Variants in FBN1 observed in about 807,000 individuals in gnomAD.
FBN1 encodes the protein fibrillin 1, also known as fibrillin-1.
FBN1 carries 29 observed loss-of-function variants against 365.1 expected under a neutral mutation model. That is an observed-to-expected ratio of 0.08 (90% CI 0.06 to 0.11). The LOEUF (loss-of-function observed/expected upper bound fraction) is 0.11, where lower values mean the gene tolerates loss of function less well. Among genes scored for constraint, FBN1 ranks in the 10% least tolerant of loss-of-function variants. The probability of loss-of-function intolerance (pLI) is 1.00; values close to 1 mark genes in which losing one functional copy is unlikely to be tolerated. For synonymous variants in FBN1, 1,210 were observed against 1,270.5 expected, an observed-to-expected ratio of 0.95 and a Z score of 1.01; for missense variants, 2,476 against 3,703.2, an observed-to-expected ratio of 0.67 and a Z score of 8.60.
chr15:48,520,549 G>T, intron 10 of FBN1, 110 bp downstream of exon 10: 2 of 1,273,156 alleles, frequency 1.6e-6, no homozygotes, highest in Non-Finnish European at 1.1e-6. Context: ...TATATTTCCT[G>T]GAGACTACTC....
chr15:48,637,570 C>T (rs1408558709), intron 2 of FBN1, among the ~76,000 whole-genome samples: 1 of 152,220 alleles, frequency 6.6e-6, no homozygotes, highest in African/African-American at 2.4e-5. Context: ...ATATCCCTTT[C>T]CCTTGATGTA....
chr15:48,425,517 CTG>C (rs758247112), intron 59 of FBN1, 26 bp from the exon 60 acceptor site: 92 of 1,613,724 alleles, frequency 5.7e-5, no homozygotes, highest in Non-Finnish European at 7.5e-5. Context: ...TACAGCGTGA[CTG>C]TGCATCTAAA....
chr15:48,468,098 G>T lies in FBN1; in HGVS notation c.4587C>A (p.Thr1529=). The T allele has an allele frequency of 6.2e-7, 1 of 1,614,042 alleles. No homozygotes were observed. The highest frequency in any genetic ancestry group is 8.5e-7 in the Non-Finnish European group (1 of 1,179,994). The change falls in exon 38 of 66, where the codon ACC becomes ACA. Residue 1529 remains threonine, a synonymous_variant. Transcript: ENST00000316623. ...LNPTRVGCVD[T]RSGNCYLDIR... is the part of the protein sequence containing the mutation. ...TATCCAAATAGCAATTTCCAGAGCG[G>T]GTATCTATTTACCATATACAAACAC...
chr15:48,552,781 A>G (rs1238267438), intron 6 of FBN1, among the ~76,000 whole-genome samples: 1 of 152,208 alleles, frequency 6.6e-6, no homozygotes, highest in East Asian at 1.9e-4. Flanking sequence ...AGCATAAGAT[A>G]CTACATTTCT....
chr15:48,509,599 T>C (rs942253833), intron 14 of FBN1, among the ~76,000 whole-genome samples: 1 of 146,410 alleles, frequency 6.8e-6, no homozygotes, highest in African/African-American at 2.5e-5. Flanking sequence ...ATATAGAAAA[T>C]ATACATAACA....
intron 47 of FBN1, among the ~76,000 whole-genome samples, chr15:48,446,337 A>G (rs2043158611): frequency 6.6e-6 from 1 of 152,162 alleles, no homozygotes; most frequent in South Asian, 2.1e-4. Context: ...AACTTTTATT[A>G]CAGTATACTG....
At chr15:48,446,531 T>C (rs2043160488) in intron 47 of FBN1, among the ~76,000 whole-genome samples, 175 bp downstream of exon 47, 1 of 152,216 alleles carries the variant, frequency 6.6e-6, no homozygotes, top group Admixed American at 6.5e-5. Context: ...AAGGGGAGAC[T>C]TCTGTAATAT....
chr15:48,494,404 T>C (rs2043586602), intron 22 of FBN1, 150 bp from the exon 23 acceptor site: 1 of 684,058 alleles, frequency 1.5e-6, no homozygotes, highest in Non-Finnish European at 2.6e-6. Flanking sequence ...ACAAAATGTT[T>C]CTGCGATTGC....
Position 48,453,285 on chromosome 15 carries a change from T to TA in FBN1, c.5423-602dup, listed in dbSNP as rs1406699078. Reference sequence around the variant, plus strand: ...AACAAACAAACAAACAAACAAAAAATAAAACAAACAAAAAAAAAACACACA... The same window carrying TA: ...AACAAACAAACAAACAAACAAAAAATAAAAACAAACAAAAAAAAAACACACA... On this transcript the variant is annotated intron_variant, in intron 44 of 65. Coordinates refer to ENST00000316623, the MANE Select transcript of FBN1 (RefSeq NM_000138.5). Among the ~76,000 whole-genome samples the TA allele has an allele frequency of 2.3e-3, 38 of 16,654 alleles. 1 individual carries two copies. Among genetic ancestry groups the TA allele is most frequent in the Admixed American group, 1.4e-3 (2 of 1,402 alleles). 10.9% of individuals were successfully genotyped at this position (16,654 alleles called of 152,430 possible). A position where few individuals can be genotyped will look rare whatever the true frequency, so the allele number is the denominator to read the frequency against.
chr15:48,518,440 C>T (rs926815652), intron 10 of FBN1, among the ~76,000 whole-genome samples: 1 of 152,186 alleles, frequency 6.6e-6, no homozygotes, highest in Non-Finnish European at 1.5e-5. Context: ...ACTTTGCTTC[C>T]AAGCATTTGT....
chr15:48,551,037 A>C (rs1597600533), intron 6 of FBN1, among the ~76,000 whole-genome samples: 1 of 152,186 alleles, frequency 6.6e-6, no homozygotes, highest in Non-Finnish European at 1.5e-5. Context: ...TAAATCCTTA[A>C]TCTTTTGAAC....
chr15:48,433,108 G>A, intron 54 of FBN1, 120 bp from the exon 55 acceptor site: 1 of 1,046,548 alleles, frequency 9.6e-7, no homozygotes, highest in South Asian at 1.3e-5. Flanking sequence ...TCATAAACAT[G>A]GATGGATCAA....
At chr15:48,473,144 C>T (rs772025642) in intron 34 of FBN1, among the ~76,000 whole-genome samples, 1 of 152,204 alleles carries the variant, frequency 6.6e-6, no homozygotes, top group Non-Finnish European at 1.5e-5. Context: ...ATAAACCACA[C>T]ATGCCTAATA....
intron 27 of FBN1, 86 bp downstream of exon 27, chr15:48,488,027 G>T: frequency 6.4e-7 from 1 of 1,570,586 alleles, no homozygotes; most frequent in Non-Finnish European, 8.8e-7. Context: ...TGGGGCAGCA[G>T]GAAGAACCTG....
In FBN1 at chr15:48,425,729, A is replaced by C. The variant is rs375569743; in HGVS notation, c.7330+10T>G. The C allele has an allele frequency of 1.5e-5, 24 of 1,612,914 alleles. No homozygotes were observed. Among genetic ancestry groups the C allele is most frequent in the Non-Finnish European group, 2.0e-5 (23 of 1,179,218 alleles). On this transcript the variant is annotated intron_variant, in intron 59 of 65. Coordinates refer to ENST00000316623, the MANE Select transcript of FBN1 (RefSeq NM_000138.5). ...CACTTGAGGATAAGCCATCAGAAAT[A>C]GACACTTACCTACACAGGAAGTCCC...
At chr15:48,514,733 G>A (rs556791970) in intron 12 of FBN1, among the ~76,000 whole-genome samples, 5 of 152,208 alleles carry the variant, frequency 3.3e-5, no homozygotes, top group South Asian at 4.1e-4. Flanking sequence ...TATTTTTAAC[G>A]CTTTCTTTTA....
chr15:48,433,111 T>G (rs769728316), intron 54 of FBN1, 123 bp from the exon 55 acceptor site: 46 of 977,526 alleles, frequency 4.7e-5, no homozygotes, highest in Non-Finnish European at 6.8e-5. Flanking sequence ...TAAACATGGA[T>G]GGATCAAGTG....
In FBN1 at chr15:48,452,576, G is replaced by C. The variant is rs761886457; in HGVS notation, c.5531C>G (p.Thr1844Arg). Residue 1844 changes from threonine (T) to arginine (R), a missense_variant, in exon 45 of 66, where the codon ACA becomes AGA. Thr to Arg is a moderately conservative substitution (Grantham distance 71). Transcript: ENST00000316623. ...DCKPGYRFTS[T>R]GQCNDRNECQ... ...GCACTACATACCATTGCACTGTCCT[G>C]TGGAGGTGAAGCGGTAGCCGGGCTT... The C allele has an allele frequency of 6.2e-7, 1 of 1,614,156 alleles. No homozygotes were observed. Among genetic ancestry groups the C allele is most frequent in the South Asian group, 1.1e-5 (1 of 91,076 alleles).
chr15:48,609,253 A>G (rs2044639050), intron 4 of FBN1, among the ~76,000 whole-genome samples: 1 of 152,218 alleles, frequency 6.6e-6, no homozygotes. Flanking sequence ...CCAAGCTGAG[A>G]TCAAGGAAAA....
Sources: gnomAD v4.1 joint callset for allele counts (sites outside exome capture counted in the v4.1 genomes callset) on GRCh38, gnomAD v4.1.1 for gene constraint, MANE v1.5 for transcripts, NCBI Gene and HGNC (gene_info 2026-07-23, HGNC 2026-07-21) for gene names.